The following UNC13C variants were observed in gnomAD, a reference collection of about 807,000 sequenced individuals.
The protein encoded by UNC13C is protein unc-13 homolog C.
In UNC13C, 174 loss-of-function variants were observed where a neutral mutation model predicts 245.4. That is an observed-to-expected ratio of 0.71 (90% confidence interval 0.63 to 0.80). The LOEUF (loss-of-function observed/expected upper bound fraction) is 0.80, where lower values mean the gene tolerates loss of function less well. UNC13C is among the 30% of genes least tolerant of loss of function. The probability of loss-of-function intolerance (pLI) is 0.00; values close to 1 mark genes in which losing one functional copy is unlikely to be tolerated. For synonymous variants in UNC13C, 992 were observed against 895.1 expected (o/e 1.11, Z -1.93); for missense variants, 2,829 against 2,602.9 (o/e 1.09, Z -1.89).
chr15:54,326,101 T>C (rs1308390748), intron 14 of UNC13C, among the ~76,000 whole-genome samples: 1 of 152,070 alleles, frequency 6.6e-6, no homozygotes, highest in Non-Finnish European at 1.5e-5. Flanking sequence ...AACTCTGTTC[T>C]GAAATTCAAG....
chr15:53,893,012 C>G, the UNC13C span, among the ~76,000 whole-genome samples: 1 of 152,148 alleles, frequency 6.6e-6, no homozygotes, highest in Admixed American at 6.5e-5. Flanking sequence ...GTGGATTTAT[C>G]TACCTTTGGT....
chr15:54,019,926 G>A (rs925887413), intron 2 of UNC13C, among the ~76,000 whole-genome samples: 5 of 152,074 alleles, frequency 3.3e-5, no homozygotes, highest in African/African-American at 1.2e-4. Flanking sequence ...TCCTACAACG[G>A]GGCCAGGCAT....
At position 54,375,770 on chromosome 15, in the gene UNC13C, G is replaced by C. The variant is rs1396012123; in HGVS notation, c.4714-17278G>C. 2.0e-5 allele frequency among the ~76,000 whole-genome samples: 3 copies of C among 152,320 alleles called. No homozygotes were observed. In the East Asian group the frequency reaches 5.8e-4, roughly 29 times the overall value. ...AGTTTGCGTGAGGACCCTGAACTCA[G>C]ATGAAACACCACCGCCAGCCAATGG... is the stretch of plus-strand genomic sequence containing the variant. On this transcript the variant is annotated intron_variant, in intron 17 of 32. Transcript: ENST00000260323.
intron 2 of UNC13C, among the ~76,000 whole-genome samples, chr15:54,032,157 C>T (rs1012382606): frequency 1.3e-5 from 2 of 152,148 alleles, no homozygotes; most frequent in Non-Finnish European, 2.9e-5. Context: ...AGAGGTATTA[C>T]TCAGTTGCAA....
the UNC13C span, among the ~76,000 whole-genome samples, chr15:53,956,575 G>A: frequency 6.7e-6 from 1 of 148,326 alleles, no homozygotes; most frequent in African/African-American, 2.5e-5. Context: ...GTGTTACTTA[G>A]AACAGAAGCT....
At chr15:54,470,816 G>T in intron 19 of UNC13C, among the ~76,000 whole-genome samples, 1 of 150,266 alleles carries the variant, frequency 6.7e-6, no homozygotes, top group Admixed American at 6.6e-5. Context: ...TTGTTTTTTA[G>T]TTACTTGAGA....
the UNC13C span, among the ~76,000 whole-genome samples, chr15:53,940,428 A>C: frequency 6.6e-6 from 1 of 152,148 alleles, no homozygotes; most frequent in Non-Finnish European, 1.5e-5. Flanking sequence ...GCCCTCTCCC[A>C]CCATTCCTAT....
chr15:53,972,841 C>T, the UNC13C span: 2 of 152,098 alleles, frequency 1.3e-5, no homozygotes, highest in Non-Finnish European at 2.9e-5. Flanking sequence ...ACCCAATGAT[C>T]ATTTATCACT....
At position 54,612,184 on chromosome 15, in the gene UNC13C, C is replaced by T. The variant is rs573024400; in HGVS notation, c.6107-10143C>T. 5.8e-4 allele frequency among the ~76,000 whole-genome samples: 88 copies of T among 152,030 alleles called. 1 individual carries two copies. Among genetic ancestry groups the T allele is most frequent in the South Asian group, 2.9e-3 (14 of 4,808 alleles). On this transcript the variant is annotated intron_variant, in intron 30 of 32. Coordinates refer to ENST00000260323, the MANE Select transcript of UNC13C (RefSeq NM_001080534.3). ...GAATCATTGTTTTAATTTCTCTTCC[C>T]ATCATCAATAGTGGACTCGAGTAGT...
At chr15:54,053,770 C>A (rs1180097968) in intron 2 of UNC13C, among the ~76,000 whole-genome samples, 1 of 152,104 alleles carries the variant, frequency 6.6e-6, no homozygotes, top group East Asian at 1.9e-4. Context: ...TAACCATCCC[C>A]ACATCCCCTT....
intron 4 of UNC13C, among the ~76,000 whole-genome samples, chr15:54,218,082 C>T (rs116507183): frequency 0.017 from 2,522 of 152,028 alleles, 61 homozygotes; most frequent in African/African-American, 0.058. Context: ...ATAGTGGAGA[C>T]ATTCCCTGTG....
At chr15:54,140,663 C>T (rs891282878) in intron 2 of UNC13C, among the ~76,000 whole-genome samples, 1 of 152,148 alleles carries the variant, frequency 6.6e-6, no homozygotes, top group Admixed American at 6.6e-5. Context: ...AACAGCAATG[C>T]AAAGGCACAT....
the UNC13C span, among the ~76,000 whole-genome samples, chr15:53,903,789 A>T: frequency 6.6e-6 from 1 of 152,106 alleles, no homozygotes; most frequent in African/African-American, 2.4e-5. Flanking sequence ...GTATAACCTA[A>T]TTTGCTGTGA....
At chr15:54,443,818 T>A (rs911367795) in intron 19 of UNC13C, among the ~76,000 whole-genome samples, 1 of 151,716 alleles carries the variant, frequency 6.6e-6, no homozygotes, top group African/African-American at 2.4e-5. Flanking sequence ...GCGTTGCAGC[T>A]TAACATATAC....
chr15:54,236,348 T>A, intron 5 of UNC13C, 82 bp from the exon 6 acceptor site: 1 of 1,111,840 alleles, frequency 9.0e-7, no homozygotes, highest in Admixed American at 1.8e-5. Context: ...GTTAGGCTAA[T>A]TTAACATTGT....
At chr15:54,386,638 C>T (rs917727465) in intron 17 of UNC13C, among the ~76,000 whole-genome samples, 19 of 152,178 alleles carry the variant, frequency 1.2e-4, no homozygotes, top group African/African-American at 4.6e-4. Flanking sequence ...GATTTGGCCT[C>T]CTGCACTTGT....
intron 2 of UNC13C, among the ~76,000 whole-genome samples, chr15:54,132,074 C>CTTTTTTTTTCTTTTTCCTTTTCTTTTT (rs6145565): frequency 1.8e-5 from 2 of 110,646 alleles, no homozygotes; most frequent in Admixed American, 8.8e-5. Flanking sequence ...TTTTCTTTTT[C>CTTTTTTTTTCTTTTTCCTTTTCTTTTT]TTTTTTTTTT....
intron 19 of UNC13C, among the ~76,000 whole-genome samples, chr15:54,451,789 A>G (rs10152939): frequency 0.031 from 4,711 of 152,174 alleles, 107 homozygotes; most frequent in Admixed American, 0.066. Context: ...ATGTAGCTGC[A>G]GAATTATTGT....
At chr15:54,264,104 C>G (rs1299312860) in intron 8 of UNC13C, 64 bp from the exon 9 acceptor site, 4 of 1,485,414 alleles carry the variant, frequency 2.7e-6, no homozygotes, top group African/African-American at 2.8e-5. Context: ...CTTTTCCTCC[C>G]TCCTTTAGCC....
Sources: gnomAD v4.1 joint callset for allele counts (sites outside exome capture counted in the v4.1 genomes callset) on GRCh38, gnomAD v4.1.1 for gene constraint, MANE v1.5 for transcripts, NCBI Gene and HGNC (gene_info 2026-07-23, HGNC 2026-07-21) for gene names.